The following NKAIN2 variants were observed in gnomAD, a reference collection of about 807,000 sequenced individuals.
NKAIN2 encodes the protein sodium/potassium-transporting ATPase subunit beta-1-interacting protein 2.
Under a neutral mutation model 32.6 loss-of-function variants are expected in NKAIN2, and 14 were observed. That is an observed-to-expected ratio of 0.43 (90% CI 0.28 to 0.67). The LOEUF is 0.67. Among genes scored for constraint, NKAIN2 ranks in the 30% least tolerant of loss-of-function variants. The pLI is 0.17. For synonymous variants in NKAIN2, 80 were observed against 87.2 expected, an observed-to-expected ratio of 0.92 and a Z score of 0.46; for missense variants, 198 against 258.3, an observed-to-expected ratio of 0.77 and a Z score of 1.60.
At chr6:124,409,454 T>C (rs1437715486) in intron 3 of NKAIN2, among the ~76,000 whole-genome samples, 1 of 152,210 alleles carries the variant, frequency 6.6e-6, no homozygotes, top group Non-Finnish European at 1.5e-5. Flanking sequence ...GAGATAATCA[T>C]GTGGTTTTTG....
intron 4 of NKAIN2, among the ~76,000 whole-genome samples, chr6:124,684,446 G>A (rs1320867878): frequency 6.6e-6 from 1 of 152,080 alleles, no homozygotes; most frequent in Non-Finnish European, 1.5e-5. Context: ...AACTTCTCCA[G>A]ATAATTCTGA....
At chr6:124,522,003 A>T (rs531614765) in intron 3 of NKAIN2, among the ~76,000 whole-genome samples, 3 of 152,270 alleles carry the variant, frequency 2.0e-5, no homozygotes, top group African/African-American at 7.2e-5. Flanking sequence ...TGCTTAGTGA[A>T]CCATCCTCAG....
chr6:124,732,412 G>T (rs982931272), intron 4 of NKAIN2, among the ~76,000 whole-genome samples: 29 of 152,018 alleles, frequency 1.9e-4, no homozygotes, highest in African/African-American at 6.8e-4. Context: ...AAGGACAGAA[G>T]TTAGGTCACA....
chr6:124,704,201 T>C (rs1309885720), intron 4 of NKAIN2, among the ~76,000 whole-genome samples: 6 of 151,900 alleles, frequency 3.9e-5, no homozygotes, highest in Non-Finnish European at 8.8e-5. Context: ...GTGTCATAGA[T>C]TGAAGAATAA....
At chr6:124,636,730 C>A (rs151304079) in intron 3 of NKAIN2, among the ~76,000 whole-genome samples, 8 of 152,004 alleles carry the variant, frequency 5.3e-5, no homozygotes, top group African/African-American at 1.7e-4. Flanking sequence ...CCTAAACAGA[C>A]CCATAAAAAG....
chr6:124,572,577 C>T (rs73569274), intron 3 of NKAIN2, among the ~76,000 whole-genome samples: 48 of 152,052 alleles, frequency 3.2e-4, no homozygotes, highest in African/African-American at 1.1e-3. Context: ...ACAAGGGTGG[C>T]GCACACAAAA....
chr6:124,670,092 G>T (rs1236819332), intron 4 of NKAIN2, among the ~76,000 whole-genome samples: 1 of 152,026 alleles, frequency 6.6e-6, no homozygotes, highest in African/African-American at 2.4e-5. Context: ...AATTATTTTT[G>T]TACCAACTCC....
At chr6:124,589,086 G>T (rs1475032947) in intron 3 of NKAIN2, among the ~76,000 whole-genome samples, 1 of 152,050 alleles carries the variant, frequency 6.6e-6, no homozygotes, top group Non-Finnish European at 1.5e-5. Context: ...AACCAGAAAA[G>T]TATATACTTA....
At chr6:124,807,361 A>C (rs1780623491) in intron 5 of NKAIN2, among the ~76,000 whole-genome samples, 1 of 150,708 alleles carries the variant, frequency 6.6e-6, no homozygotes, top group Non-Finnish European at 1.5e-5. Context: ...AACTACATGG[A>C]AACTGAACAA....
intron 4 of NKAIN2, among the ~76,000 whole-genome samples, chr6:124,663,613 A>G (rs894892906): frequency 1.3e-5 from 2 of 152,226 alleles, no homozygotes; most frequent in Non-Finnish European, 2.9e-5. Context: ...CTGTTATTAT[A>G]TACATCAGTT....
intron 3 of NKAIN2, among the ~76,000 whole-genome samples, chr6:124,595,021 GGTT>G (rs1401308400): frequency 3.9e-5 from 6 of 152,102 alleles, no homozygotes; most frequent in Admixed American, 3.3e-4. Flanking sequence ...GAGGAAAAGA[GGTT>G]GTGTTGGAAG....
At chr6:123,957,030 G>A (rs549828718) in intron 1 of NKAIN2, among the ~76,000 whole-genome samples, 1 of 152,194 alleles carries the variant, frequency 6.6e-6, no homozygotes, top group Admixed American at 6.6e-5. Flanking sequence ...CAGACGTTAA[G>A]CCTAGTACCC....
intron 3 of NKAIN2, among the ~76,000 whole-genome samples, chr6:124,572,751 G>A (rs1781175869): frequency 6.6e-6 from 1 of 151,972 alleles, no homozygotes; most frequent in Non-Finnish European, 1.5e-5. Flanking sequence ...ATAAAAAGAG[G>A]TTAAATTAAA....
intron 4 of NKAIN2, among the ~76,000 whole-genome samples, chr6:124,789,752 TATA>T (rs1779660662): frequency 6.6e-6 from 1 of 152,200 alleles, no homozygotes; most frequent in Admixed American, 6.5e-5. Context: ...ATGACTCTAT[TATA>T]TAAAGAAGTG....
chr6:124,488,476 A>G (rs1435887296), intron 3 of NKAIN2, among the ~76,000 whole-genome samples: 1 of 152,050 alleles, frequency 6.6e-6, no homozygotes, highest in Non-Finnish European at 1.5e-5. Context: ...GAAGAAAGCA[A>G]AGCTATGTTT....
intron 1 of NKAIN2, among the ~76,000 whole-genome samples, chr6:123,807,787 A>T (rs1773281450): frequency 6.6e-6 from 1 of 152,182 alleles, no homozygotes; most frequent in Non-Finnish European, 1.5e-5. Flanking sequence ...CTATTGAAAG[A>T]AAGTTTAGAT....
chr6:124,780,140 G>A (rs1214082008), intron 4 of NKAIN2, among the ~76,000 whole-genome samples: 1 of 152,102 alleles, frequency 6.6e-6, no homozygotes, highest in Non-Finnish European at 1.5e-5. Flanking sequence ...AGTATTCTAT[G>A]GTTATCAAAA....
intron 1 of NKAIN2, among the ~76,000 whole-genome samples, chr6:124,129,373 G>A (rs1786340984): frequency 6.6e-6 from 1 of 152,150 alleles, no homozygotes; most frequent in African/African-American, 2.4e-5. Context: ...GCCATCAGGT[G>A]CCCATCAGGA....
At chr6:124,413,368 C>A (rs1774306397) in intron 3 of NKAIN2, among the ~76,000 whole-genome samples, 1 of 152,160 alleles carries the variant, frequency 6.6e-6, no homozygotes, top group Non-Finnish European at 1.5e-5. Context: ...TCCTCTGTGC[C>A]TTTGTCTAAA....
Sources: allele counts gnomAD v4.1 joint callset (sites outside exome capture counted in the v4.1 genomes callset), GRCh38; gene constraint gnomAD v4.1.1; transcripts MANE v1.5; gene names NCBI Gene and HGNC (gene_info 2026-07-23, HGNC 2026-07-21).